The following PLPPR1 variants were observed in gnomAD, a reference collection of about 807,000 sequenced individuals.
PLPPR1 encodes phospholipid phosphatase-related protein type 1.
Under a neutral mutation model 33.1 loss-of-function variants are expected in PLPPR1, and 10 were observed. The ratio of observed to expected loss-of-function variants is 0.30; its 90% confidence interval spans 0.19 to 0.51. The LOEUF (loss-of-function observed/expected upper bound fraction) is 0.51. PLPPR1 is among the 20% of genes least tolerant of loss of function. The pLI is 0.97. For missense variants in PLPPR1, 304 were observed against 408.1 expected, an observed-to-expected ratio of 0.74 and a Z score of 2.20; for synonymous variants, 151 against 151.0, an observed-to-expected ratio of 1.00 and a Z score of 0.00.
intron 4 of PLPPR1, among the ~76,000 whole-genome samples, chr9:101,303,870 T>A (rs1341108382): frequency 1.3e-5 from 2 of 152,266 alleles, no homozygotes; most frequent in Admixed American, 6.5e-5. Flanking sequence ...ACCATTGTAA[T>A]TTCTCAGAAT....
At chr9:101,269,725 AC>A in intron 2 of PLPPR1, 154 bp from the exon 3 acceptor site, 1 of 679,756 alleles carries the variant, frequency 1.5e-6, no homozygotes, top group Non-Finnish European at 2.6e-6. Context: ...AAGCAAGCAC[AC>A]ACTCCCAGAG....
intron 1 of PLPPR1, among the ~76,000 whole-genome samples, chr9:101,121,840 G>T (rs886763335): frequency 1.3e-5 from 2 of 152,156 alleles, no homozygotes; most frequent in Non-Finnish European, 2.9e-5. Flanking sequence ...CTATTACACT[G>T]GCTGAGTATC....
chr9:101,246,854 G>A (rs562204824), intron 2 of PLPPR1, among the ~76,000 whole-genome samples: 41 of 152,086 alleles, frequency 2.7e-4, no homozygotes, highest in African/African-American at 9.6e-4. Flanking sequence ...CACACATCTG[G>A]GAGTTACTTT....
chr9:101,058,302 G>A lies in PLPPR1; in HGVS notation c.-46+29200G>A, dbSNP rs540368901. 8.3e-5 allele frequency among the ~76,000 whole-genome samples: 12 copies of A among 144,706 alleles called. No homozygotes were observed. The East Asian group carries it at 2.0e-3, about 24-fold the overall frequency. 94.9% of individuals were successfully genotyped at this position (144,706 alleles called of 152,430 possible). A position where few individuals can be genotyped will look rare whatever the true frequency, so the allele number is the denominator to read the frequency against. ...TGTGATGATGAGAACTAACAGAGCCGTTTGTGAGCTCACATAAGATACTTC... is the reference window on the plus strand; with the variant it reads ...TGTGATGATGAGAACTAACAGAGCCATTTGTGAGCTCACATAAGATACTTC... On this transcript the variant is annotated intron_variant, in intron 1 of 7. Coordinates refer to ENST00000374874, the MANE Select transcript of PLPPR1 (RefSeq NM_207299.2).
At chr9:101,308,215 C>G (rs1389835501) in intron 4 of PLPPR1, among the ~76,000 whole-genome samples, 2 of 152,086 alleles carry the variant, frequency 1.3e-5, no homozygotes, top group Non-Finnish European at 2.9e-5. Flanking sequence ...CCTGGATTAT[C>G]CAGATATAAT....
At chr9:101,047,222 C>G (rs928178189) in intron 1 of PLPPR1, among the ~76,000 whole-genome samples, 2 of 152,074 alleles carry the variant, frequency 1.3e-5, no homozygotes, top group Non-Finnish European at 2.9e-5. Flanking sequence ...ACATTTAGTC[C>G]TTTTAACCAT....
chr9:101,194,852 A>G (rs1826368178), intron 2 of PLPPR1, among the ~76,000 whole-genome samples: 1 of 152,210 alleles, frequency 6.6e-6, no homozygotes, highest in Admixed American at 6.5e-5. Context: ...TCATAGTTGC[A>G]GATGTTAGGA....
At chr9:101,080,771 G>T (rs1245424125) in intron 1 of PLPPR1, among the ~76,000 whole-genome samples, 1 of 152,102 alleles carries the variant, frequency 6.6e-6, no homozygotes, top group African/African-American at 2.4e-5. Context: ...TTCAGTATGG[G>T]GCTTTGCACT....
intron 1 of PLPPR1, among the ~76,000 whole-genome samples, chr9:101,044,939 C>T (rs547113931): frequency 6.6e-6 from 1 of 152,298 alleles, no homozygotes; most frequent in East Asian, 1.9e-4. Flanking sequence ...TGAGGACTAT[C>T]TGAGATTACC....
chr9:101,207,521 G>A (rs552012346), intron 2 of PLPPR1, among the ~76,000 whole-genome samples: 3 of 152,220 alleles, frequency 2.0e-5, no homozygotes, highest in East Asian at 3.9e-4. Context: ...CGTTCCAGGG[G>A]CCTGAGATGA....
At chr9:101,193,877 T>C (rs948015975) in intron 2 of PLPPR1, among the ~76,000 whole-genome samples, 1 of 152,206 alleles carries the variant, frequency 6.6e-6, no homozygotes, top group African/African-American at 2.4e-5. Context: ...GGCATAATTA[T>C]TGGTCTCAGA....
At chr9:101,186,080 T>C (rs1826197440) in intron 2 of PLPPR1, among the ~76,000 whole-genome samples, 1 of 151,874 alleles carries the variant, frequency 6.6e-6, no homozygotes, top group Non-Finnish European at 1.5e-5. Context: ...TCTTTTGTCC[T>C]GAATTACTTT....
rs1313311875 is a variant in PLPPR1 at position 101,258,163 on chromosome 9, G to A, written c.64-11717G>A. Among the ~76,000 whole-genome samples, 6 of 152,058 alleles carry A rather than the reference G, an allele frequency of 3.9e-5. No homozygotes were observed. The East Asian group carries it at 5.8e-4, about 15-fold the overall frequency. On this transcript the variant is annotated intron_variant, in intron 2 of 7. Transcript: ENST00000374874. ...TACTGCATCCAGGTCTTAAAATTCC[G>A]AAGGCCATACATTTCTATTACACCA...
At chr9:101,297,546 A>G (rs1828670459) in intron 4 of PLPPR1, among the ~76,000 whole-genome samples, 1 of 152,078 alleles carries the variant, frequency 6.6e-6, no homozygotes, top group African/African-American at 2.4e-5. Flanking sequence ...CCAACAATAC[A>G]TTTTTCCCCC....
chr9:101,254,165 C>A (rs1419562808), intron 2 of PLPPR1, among the ~76,000 whole-genome samples: 2 of 151,402 alleles, frequency 1.3e-5, no homozygotes. Flanking sequence ...TATTTTATTT[C>A]TATTATTATT....
chr9:101,152,024 A>C (rs1315168776), intron 1 of PLPPR1, among the ~76,000 whole-genome samples: 1 of 152,202 alleles, frequency 6.6e-6, no homozygotes, highest in African/African-American at 2.4e-5. Flanking sequence ...ACAGTGTAAA[A>C]GTGTTCCTAT....
chr9:101,241,356 A>G (rs1186131502), intron 2 of PLPPR1, among the ~76,000 whole-genome samples: 6 of 152,118 alleles, frequency 3.9e-5, no homozygotes, highest in Non-Finnish European at 8.8e-5. Context: ...TCCCTGGGTC[A>G]TACTGGGAGA....
At chr9:101,042,389 T>G (rs1830086959) in intron 1 of PLPPR1, among the ~76,000 whole-genome samples, 2 of 152,194 alleles carry the variant, frequency 1.3e-5, no homozygotes, top group South Asian at 4.1e-4. Flanking sequence ...TTTTTCCTCT[T>G]GTTCATTCAG....
intron 1 of PLPPR1, among the ~76,000 whole-genome samples, chr9:101,181,482 G>T (rs1826108839): frequency 6.6e-6 from 1 of 150,878 alleles, no homozygotes; most frequent in Non-Finnish European, 1.5e-5. Context: ...CAAAGGAATT[G>T]AAATCAGTAT....
Sources: gnomAD v4.1 joint callset for allele counts (sites outside exome capture counted in the v4.1 genomes callset) on GRCh38, gnomAD v4.1.1 for gene constraint, MANE v1.5 for transcripts, NCBI Gene and HGNC (gene_info 2026-07-23, HGNC 2026-07-21) for gene names.